The following AFAP1L1 variants were observed in gnomAD, a reference collection of about 807,000 sequenced individuals.
AFAP1L1 encodes actin filament-associated protein 1-like 1.
AFAP1L1 carries 77 observed loss-of-function variants against 99.8 expected under a neutral mutation model. That is an observed-to-expected ratio of 0.77 (90% CI 0.64 to 0.93). The LOEUF (loss-of-function observed/expected upper bound fraction) is 0.93. AFAP1L1 is among the 40% of genes least tolerant of loss of function. AFAP1L1 has a pLI of 0.00. For synonymous variants in AFAP1L1, 373 were observed against 395.3 expected, an observed-to-expected ratio of 0.94 and a Z score of 0.67; for missense variants, 893 against 996.8, an observed-to-expected ratio of 0.90 and a Z score of 1.40.
At chr5:149,306,933 A>C (rs1756432650) in intron 6 of AFAP1L1, among the ~76,000 whole-genome samples, 2 of 152,146 alleles carry the variant, frequency 1.3e-5, no homozygotes, top group Non-Finnish European at 2.9e-5. Context: ...GCAAGGGATA[A>C]ATCAGTACAA....
In AFAP1L1 at chr5:149,301,878, G is replaced by T. The variant is rs533887453; in HGVS notation, c.328-540G>T. 1.9e-3 allele frequency among the ~76,000 whole-genome samples: 293 copies of T among 152,380 alleles called. 1 individual carries two copies. Among genetic ancestry groups the T allele is most frequent in the African/African-American group, 6.5e-3 (271 of 41,596 alleles). ...TTACATGCTGACAGCAACTGAATGA[G>T]GCTGGCACAATTGTTATCCCCATTT... On this transcript the variant is annotated intron_variant, in intron 4 of 18. Coordinates refer to ENST00000296721, the MANE Select transcript of AFAP1L1 (RefSeq NM_152406.4).
At chr5:149,319,798 C>G in intron 13 of AFAP1L1, 71 bp downstream of exon 13, 1 of 1,573,062 alleles carries the variant, frequency 6.4e-7, no homozygotes, top group South Asian at 1.2e-5. Flanking sequence ...GAGGCTGAGT[C>G]CAGCCCTGGG....
chr5:149,285,034 T>A (rs779200985), intron 1 of AFAP1L1, among the ~76,000 whole-genome samples: 4 of 152,216 alleles, frequency 2.6e-5, no homozygotes, highest in East Asian at 1.9e-4. Context: ...TTCCATGACT[T>A]TTGATCAACG....
intron 15 of AFAP1L1, among the ~76,000 whole-genome samples, chr5:149,327,649 G>A (rs1054768519): frequency 5.3e-5 from 8 of 151,920 alleles, no homozygotes; most frequent in Non-Finnish European, 8.8e-5. Flanking sequence ...TAACTGAAAC[G>A]AAAAACTCAC....
chr5:149,276,391 A>G (rs943425684), intron 1 of AFAP1L1, among the ~76,000 whole-genome samples: 1 of 152,236 alleles, frequency 6.6e-6, no homozygotes, highest in Non-Finnish European at 1.5e-5. Context: ...CATAATGGCA[A>G]TCCTTCCAGA....
chr5:149,302,732 GGGCTTA>G (rs1756270623), intron 5 of AFAP1L1: 1 of 492,186 alleles, frequency 2.0e-6, no homozygotes, highest in African/African-American at 1.9e-5. Context: ...CAGGGGCTGG[GGGCTTA>G]GGTTCTAGTC....
intron 1 of AFAP1L1, among the ~76,000 whole-genome samples, chr5:149,276,962 G>A (rs2127587693): frequency 6.6e-6 from 1 of 152,286 alleles, no homozygotes; most frequent in Non-Finnish European, 1.5e-5. Flanking sequence ...CTGTTATATA[G>A]TCTCTCTATT....
intron 1 of AFAP1L1, among the ~76,000 whole-genome samples, chr5:149,278,734 C>G (rs1304140523): frequency 6.6e-6 from 1 of 152,178 alleles, no homozygotes; most frequent in East Asian, 1.9e-4. Flanking sequence ...AGTGCCTGGC[C>G]CATAGTAGGT....
Position 149,318,012 on chromosome 5 carries a change from G to T in AFAP1L1, c.1479+72G>T. ...TGGCCTGAGTGTCATGTTTTTGTTT[G>T]GGGGAGCCCTTGCTACTGACACCAT... On this transcript the variant is annotated intron_variant, in intron 12 of 18. Transcript: ENST00000296721. 2.0e-6 allele frequency: 3 copies of T among 1,502,362 alleles called. No homozygotes were observed. The South Asian group carries it at 3.8e-5, about 19-fold the overall frequency. The allele number at this position is 1,502,362 out of a possible 1,614,324, so 93.1% of individuals were successfully genotyped here. A position where few individuals can be genotyped will look rare whatever the true frequency, so the allele number is the denominator to read the frequency against.
intron 18 of AFAP1L1, among the ~76,000 whole-genome samples, chr5:149,337,370 A>G (rs1162898780): frequency 3.3e-5 from 5 of 152,228 alleles, no homozygotes; most frequent in Non-Finnish European, 7.3e-5. Context: ...CTTGACTGTG[A>G]TAATCATTTC....
At chr5:149,315,122 T>C (rs1756757102) in intron 9 of AFAP1L1, among the ~76,000 whole-genome samples, 1 of 152,202 alleles carries the variant, frequency 6.6e-6, no homozygotes, top group Admixed American at 6.5e-5. Context: ...AGACACTTAA[T>C]GGACCTTGTA....
rs761608169 is a variant in AFAP1L1 at position 149,302,497 on chromosome 5, G to A, written c.407G>A (p.Gly136Asp). 4.4e-6 allele frequency: 7 copies of A among 1,589,390 alleles called. No individual in the cohort carries two copies. The highest frequency in any genetic ancestry group is 1.2e-5 in the South Asian group (1 of 86,860). ...GAAGAGGCCCTTCCTCTGGGACCCGGCAAGTCGCCTGAGTACATCAGCTCC... is the reference window on the plus strand; with the variant it reads ...GAAGAGGCCCTTCCTCTGGGACCCGACAAGTCGCCTGAGTACATCAGCTCC... ...YYEEALPLGP[G>D]KSPEYISSHN... The change falls in exon 5 of 19, where the codon GGC (glycine) becomes GAC (aspartate). Residue 136 changes from glycine (G) to aspartate (D), a missense_variant. Physicochemically the swap from Gly to Asp is moderately conservative, Grantham distance 94 (BLOSUM62 -1). Coordinates refer to ENST00000296721, the MANE Select transcript of AFAP1L1 (RefSeq NM_152406.4).
chr5:149,280,431 C>T (rs1459244220), intron 1 of AFAP1L1, among the ~76,000 whole-genome samples: 2 of 152,080 alleles, frequency 1.3e-5, no homozygotes, highest in African/African-American at 4.8e-5. Flanking sequence ...AAAATACACC[C>T]ACAAAGATTT....
At chr5:149,299,466 T>G in intron 1 of AFAP1L1, 43 bp from the exon 2 acceptor site, 1 of 1,610,246 alleles carries the variant, frequency 6.2e-7, no homozygotes, top group Non-Finnish European at 8.5e-7. Context: ...CACAGAGCTG[T>G]GACTGTGCAG....
chr5:149,309,741 T>G (rs1012969719), intron 7 of AFAP1L1, among the ~76,000 whole-genome samples: 1 of 152,176 alleles, frequency 6.6e-6, no homozygotes, highest in Non-Finnish European at 1.5e-5. Flanking sequence ...TAGGTAGTTA[T>G]GACTGAAAAT....
At chr5:149,336,021 A>T (rs1335241330) in intron 18 of AFAP1L1, among the ~76,000 whole-genome samples, 1 of 152,216 alleles carries the variant, frequency 6.6e-6, no homozygotes, top group East Asian at 1.9e-4. Flanking sequence ...ATCGAGGACG[A>T]TGGGACTTGC....
Position 149,329,825 on chromosome 5 carries a change from G to A in AFAP1L1, c.1970G>A (p.Ser657Asn), listed in dbSNP as rs148869095. ...KRELKEAIRS[S>N]PGAKLKALEE... ...GAACTGAAGGAAGCCATTCGGAGCA[G>A]CCCAGGTACCTATGTGGGTGTGGTC... Residue 657 changes from serine to asparagine, a missense_variant, in exon 16 of 19, where the codon AGC becomes AAC. Transcript: ENST00000296721. 52 of 1,608,478 alleles carry A rather than the reference G, an allele frequency of 3.2e-5. No individual in the cohort carries two copies. Among genetic ancestry groups the A allele is most frequent in the Non-Finnish European group, 4.2e-5 (50 of 1,177,448 alleles).
intron 12 of AFAP1L1, 111 bp downstream of exon 12, chr5:149,318,051 G>A: frequency 1.8e-5 from 23 of 1,285,880 alleles, no homozygotes; most frequent in Non-Finnish European, 2.4e-5. Context: ...GACTGAAGGG[G>A]AAGGAAAGCA....
intron 1 of AFAP1L1, among the ~76,000 whole-genome samples, chr5:149,294,999 A>C (rs1755973261): frequency 6.6e-6 from 1 of 152,220 alleles, no homozygotes; most frequent in African/African-American, 2.4e-5. Flanking sequence ...CTGGAGGATT[A>C]GATGAGATAA....
Sources: allele counts gnomAD v4.1 joint callset (sites outside exome capture counted in the v4.1 genomes callset), GRCh38; gene constraint gnomAD v4.1.1; transcripts MANE v1.5; gene names NCBI Gene and HGNC (gene_info 2026-07-23, HGNC 2026-07-21).